SLC13A3: variants seen among roughly 807,000 people sequenced by gnomAD.
SLC13A3 encodes the protein Na(+)/dicarboxylate cotransporter 3.
A neutral mutation model predicts 59.0 loss-of-function variants in SLC13A3; 40 were observed. The ratio of observed to expected loss-of-function variants is 0.68; its 90% CI spans 0.53 to 0.88. The LOEUF (loss-of-function observed/expected upper bound fraction) is 0.88, where lower values mean the gene tolerates loss of function less well. SLC13A3 is among the 40% of genes least tolerant of loss of function. The pLI is 0.00. For missense variants in SLC13A3, 699 were observed against 783.2 expected (o/e 0.89, Z 1.28); for synonymous variants, 317 against 330.3 (o/e 0.96, Z 0.44).
At chr20:46,594,499 C>A (rs1477236787) in intron 5 of SLC13A3, among the ~76,000 whole-genome samples, 1 of 151,988 alleles carries the variant, frequency 6.6e-6, no homozygotes, top group Non-Finnish European at 1.5e-5. Flanking sequence ...GGGATGGGTC[C>A]TGGCAAACCC....
chr20:46,611,455 T>C (rs781036047), intron 2 of SLC13A3, among the ~76,000 whole-genome samples: 1 of 152,126 alleles, frequency 6.6e-6, no homozygotes, highest in Non-Finnish European at 1.5e-5. Context: ...CCACTTGGCA[T>C]TGGAATTAGT....
At chr20:46,620,366 A>C (rs2122772978) in intron 1 of SLC13A3, among the ~76,000 whole-genome samples, 2 of 152,332 alleles carry the variant, frequency 1.3e-5, no homozygotes, top group African/African-American at 4.8e-5. Context: ...TTTGCACCAA[A>C]ATAAACTCAT....
At chr20:46,619,165 C>T (rs774411801) in intron 1 of SLC13A3, among the ~76,000 whole-genome samples, 18 of 152,154 alleles carry the variant, frequency 1.2e-4, no homozygotes, top group African/African-American at 2.9e-4. Context: ...GACATCTTTC[C>T]GAGCTAGGAT....
In SLC13A3 at chr20:46,566,208, C is replaced by T. The variant is rs752795300; in HGVS notation, c.1494+21G>A. ...TGTGTTGGGGGAGGGGTGCTCCCCT[C>T]TTCCCCAGAAGGACCCTCACCAGCT... On this transcript the variant is annotated intron_variant, in intron 11 of 12. Coordinates refer to ENST00000279027, the MANE Select transcript of SLC13A3 (RefSeq NM_022829.6). 3 of 1,606,052 alleles carry T rather than the reference C, an allele frequency of 1.9e-6. No individual in the cohort carries two copies. In the Admixed American group the frequency reaches 5.0e-5, roughly 27 times the overall value.
At chr20:46,576,519 A>G (rs1407837832) in intron 9 of SLC13A3, among the ~76,000 whole-genome samples, 1 of 152,184 alleles carries the variant, frequency 6.6e-6, no homozygotes, top group Non-Finnish European at 1.5e-5. Context: ...AACACGAACC[A>G]GGACAATGAT....
chr20:46,607,482 C>G (rs1252125686), intron 3 of SLC13A3, among the ~76,000 whole-genome samples: 1 of 152,198 alleles, frequency 6.6e-6, no homozygotes, highest in Non-Finnish European at 1.5e-5. Flanking sequence ...GTCTTAGAAG[C>G]TGATCATTAA....
At chr20:46,582,529 A>G (rs969828153) in intron 9 of SLC13A3, 4 of 600,930 alleles carry the variant, frequency 6.7e-6, no homozygotes, top group Non-Finnish European at 8.3e-6. Flanking sequence ...CTGGAGCCCA[A>G]GAGTTCGAGA....
intron 2 of SLC13A3, among the ~76,000 whole-genome samples, chr20:46,611,003 T>C (rs1350464031): frequency 6.6e-6 from 1 of 152,044 alleles, no homozygotes; most frequent in Non-Finnish European, 1.5e-5. Context: ...GCGACTCTGC[T>C]GAACTTCTCA....
intron 3 of SLC13A3, among the ~76,000 whole-genome samples, chr20:46,607,099 C>T (rs921935672): frequency 6.6e-6 from 1 of 152,220 alleles, no homozygotes; most frequent in Non-Finnish European, 1.5e-5. Flanking sequence ...AGCAAATCAT[C>T]GTGTTACTTT....
chr20:46,680,237 T>A (rs1249852327), intron 1 of SLC13A3, among the ~76,000 whole-genome samples: 1 of 152,190 alleles, frequency 6.6e-6, no homozygotes, highest in South Asian at 2.1e-4. Flanking sequence ...CCTGGCAAGG[T>A]GGGAAAGTGC....
chr20:46,652,943 A>G (rs1017079611), upstream of SLC13A3, among the ~76,000 whole-genome samples: 3 of 152,192 alleles, frequency 2.0e-5, no homozygotes, highest in Non-Finnish European at 4.4e-5. Context: ...TATTTTAACC[A>G]TTCTGACAGG....
chr20:46,586,804 C>G (rs998927229), intron 8 of SLC13A3, among the ~76,000 whole-genome samples: 18 of 152,186 alleles, frequency 1.2e-4, no homozygotes, highest in African/African-American at 3.4e-4. Context: ...GACCAGGGGT[C>G]AGCAAATGTC....
intron 1 of SLC13A3, among the ~76,000 whole-genome samples, chr20:46,642,729 G>T (rs537532645): frequency 6.6e-6 from 1 of 152,156 alleles, no homozygotes; most frequent in Non-Finnish European, 1.5e-5. Flanking sequence ...AGAGCTTTAC[G>T]GTGAGTCACA....
At position 46,565,534 on chromosome 20, in the gene SLC13A3, G is replaced by C. The variant is rs143023453; in HGVS notation, c.1494+695C>G. On this transcript the variant is annotated intron_variant, in intron 11 of 12. Transcript: ENST00000279027. Reference sequence around the variant, plus strand: ...AGATGGGGTCTCACCATGTTGCCCAGGCTAGTCTGAAACTCCTGAGCTCAA... The same window carrying C: ...AGATGGGGTCTCACCATGTTGCCCACGCTAGTCTGAAACTCCTGAGCTCAA... 2.3e-3 allele frequency among the ~76,000 whole-genome samples: 357 copies of C among 152,204 alleles called. 1 individual carries two copies. The highest frequency in any genetic ancestry group is 8.1e-3 in the African/African-American group (338 of 41,512).
intron 6 of SLC13A3, among the ~76,000 whole-genome samples, chr20:46,590,304 T>C (rs2122672321): frequency 6.6e-6 from 1 of 152,068 alleles, no homozygotes; most frequent in South Asian, 2.1e-4. Flanking sequence ...TAACTGAAAT[T>C]TCAGAAACCA....
intron 1 of SLC13A3, among the ~76,000 whole-genome samples, chr20:46,620,993 T>C (rs118046486): frequency 0.01 from 1,587 of 152,338 alleles, 13 homozygotes; most frequent in Non-Finnish European, 0.016. Context: ...ATCAAGGCAA[T>C]GGCCATCAAG....
chr20:46,667,766 C>T (rs1192793950), intron 1 of SLC13A3, among the ~76,000 whole-genome samples: 2 of 152,322 alleles, frequency 1.3e-5, no homozygotes, highest in African/African-American at 2.4e-5. Context: ...TTGTGTTTTA[C>T]AGATATTGCA....
chr20:46,609,330 T>C (rs1953766111), intron 3 of SLC13A3, among the ~76,000 whole-genome samples: 1 of 152,206 alleles, frequency 6.6e-6, no homozygotes, highest in Non-Finnish European at 1.5e-5. Flanking sequence ...TCTTGGAGAC[T>C]GTATGTAGTC....
rs2062311065 is a variant in SLC13A3 at position 46,596,215 on chromosome 20, C to T, written c.736G>A (p.Gly246Ser). ...ISIPYSASIG[G>S]TATLTGTAPN... ...GCTGTGCCCGTGAGTGTGGCTGTGC[C>T]CCCAATACTGGCTGAGTAGGGGATG... Residue 246 changes from glycine (G) to serine (S), a missense_variant, in exon 5 of 13, where the codon GGC becomes AGC. Transcript: ENST00000279027. The T allele has an allele frequency of 6.2e-7, 1 of 1,613,972 alleles. No homozygotes were observed. Among genetic ancestry groups the T allele is most frequent in the African/African-American group, 1.3e-5 (1 of 74,894 alleles).
Sources: allele counts gnomAD v4.1 joint callset (sites outside exome capture counted in the v4.1 genomes callset), GRCh38; gene constraint gnomAD v4.1.1; transcripts MANE v1.5; gene names NCBI Gene and HGNC (gene_info 2026-07-23, HGNC 2026-07-21).